NAALADL2: variants seen among roughly 807,000 people sequenced by gnomAD.
The protein encoded by NAALADL2 is N-acetylated alpha-linked acidic dipeptidase like 2, also known as inactive N-acetylated-alpha-linked acidic dipeptidase-like protein 2.
A neutral mutation model predicts 87.2 loss-of-function variants in NAALADL2; 76 were observed. That is an observed-to-expected ratio of 0.87 (90% CI 0.72 to 1.05). NAALADL2 has a LOEUF of 1.05. Ranked by LOEUF, NAALADL2 falls within the 50% of genes least tolerant of loss-of-function variation. The probability of loss-of-function intolerance (pLI) is 0.00; values close to 1 mark genes in which losing one functional copy is unlikely to be tolerated. For missense variants in NAALADL2, 1,089 were observed against 945.8 expected (o/e 1.15, Z -1.99); for synonymous variants, 354 against 331.0 (o/e 1.07, Z -0.75).
At chr3:174,753,454 A>G (rs1454669192) in intron 3 of NAALADL2, among the ~76,000 whole-genome samples, 4 of 152,016 alleles carry the variant, frequency 2.6e-5, no homozygotes, top group Non-Finnish European at 1.5e-5. Flanking sequence ...GAACGTCCTT[A>G]CTCTTTATAA....
chr3:174,915,061 A>G (rs1734195473), intron 1 of NAALADL2, among the ~76,000 whole-genome samples: 1 of 152,202 alleles, frequency 6.6e-6, no homozygotes. Context: ...AGTTCTAGAA[A>G]ATAATACAAT....
At chr3:175,628,130 T>G (rs1343624791) in intron 11 of NAALADL2, among the ~76,000 whole-genome samples, 1 of 151,716 alleles carries the variant, frequency 6.6e-6, no homozygotes, top group Non-Finnish European at 1.5e-5. Context: ...CACTACGCAT[T>G]TAGTAGAAAT....
intron 11 of NAALADL2, among the ~76,000 whole-genome samples, chr3:175,630,332 G>C (rs971840946): frequency 6.6e-6 from 1 of 151,660 alleles, no homozygotes; most frequent in Non-Finnish European, 1.5e-5. Flanking sequence ...CTCTTTAGTA[G>C]AACTTTGTTT....
intron 1 of NAALADL2, among the ~76,000 whole-genome samples, chr3:174,543,326 G>A (rs1367601404): frequency 1.3e-5 from 2 of 152,074 alleles, no homozygotes; most frequent in African/African-American, 4.8e-5. Context: ...AGTGGTAATG[G>A]GGGAGTGAAT....
chr3:175,269,947 G>A (rs1752555850), intron 4 of NAALADL2, among the ~76,000 whole-genome samples: 1 of 152,232 alleles, frequency 6.6e-6, no homozygotes, highest in South Asian at 2.1e-4. Flanking sequence ...TAAAGGAAAT[G>A]TAAGAAAATT....
rs1167120050 is a variant in NAALADL2, at chr3:175,806,536, T to C, written c.*3333T>C. 4 of 151,792 alleles carry C rather than the reference T, an allele frequency of 2.6e-5. No individual in the cohort carries two copies. The highest frequency in any genetic ancestry group is 2.0e-4 in the Admixed American group (3 of 15,186). 9.4% of individuals were successfully genotyped at this position (151,792 alleles called of 1,614,324 possible). A position where few individuals can be genotyped will look rare whatever the true frequency, so the allele number is the denominator to read the frequency against. On this transcript the variant is annotated 3_prime_UTR_variant, in exon 14 of 14. Coordinates refer to ENST00000454872, the MANE Select transcript of NAALADL2 (RefSeq NM_207015.3). ...TTCTAAATAAATTGAAGAGTCATAATAACAAGAAAGACGTAAAGATTTGTT... is the reference window on the plus strand; with the variant it reads ...TTCTAAATAAATTGAAGAGTCATAACAACAAGAAAGACGTAAAGATTTGTT...
intron 1 of NAALADL2, among the ~76,000 whole-genome samples, chr3:175,015,273 T>G (rs568522443): frequency 3.7e-4 from 56 of 152,260 alleles, no homozygotes; most frequent in African/African-American, 1.3e-3. Context: ...GAGGCATTTT[T>G]CCAGATTTTT....
At chr3:174,734,464 G>A (rs1276843850) in intron 2 of NAALADL2, among the ~76,000 whole-genome samples, 2 of 152,194 alleles carry the variant, frequency 1.3e-5, no homozygotes, top group Non-Finnish European at 2.9e-5. Flanking sequence ...GTTCCAACCA[G>A]TTTTCAAGGG....
intron 13 of NAALADL2, among the ~76,000 whole-genome samples, chr3:175,774,141 T>G (rs1749895427): frequency 6.6e-6 from 1 of 152,080 alleles, no homozygotes; most frequent in Non-Finnish European, 1.5e-5. Context: ...TTTTAGGGTT[T>G]GATAACATGA....
intron 2 of NAALADL2, among the ~76,000 whole-genome samples, chr3:175,104,891 A>G (rs1479314528): frequency 1.3e-5 from 2 of 152,096 alleles, no homozygotes; most frequent in African/African-American, 4.8e-5. Flanking sequence ...TCTGAACCTT[A>G]AGTAAGGCAA....
At chr3:175,057,715 A>T (rs1401647657) in intron 1 of NAALADL2, among the ~76,000 whole-genome samples, 2 of 152,198 alleles carry the variant, frequency 1.3e-5, no homozygotes, top group African/African-American at 4.8e-5. Flanking sequence ...GGTCACTAAG[A>T]TTCCTGCTTA....
chr3:175,090,054 A>G (rs1261585221), intron 1 of NAALADL2, among the ~76,000 whole-genome samples: 1 of 152,132 alleles, frequency 6.6e-6, no homozygotes, highest in East Asian at 1.9e-4. Flanking sequence ...GGTAGAAAGT[A>G]TGTAAATTTG....
chr3:174,745,281 A>AAT (rs1377047961), intron 3 of NAALADL2, among the ~76,000 whole-genome samples: 23 of 152,312 alleles, frequency 1.5e-4, no homozygotes, highest in Middle Eastern at 3.4e-3. Flanking sequence ...ACCCCACAGA[A>AAT]ATACAAACAA....
chr3:174,595,250 C>G (rs572248114), intron 2 of NAALADL2, among the ~76,000 whole-genome samples: 76 of 152,056 alleles, frequency 5.0e-4, no homozygotes, highest in Admixed American at 2.0e-3. Context: ...TCCCTCTGCC[C>G]GCTTCTTGTC....
In NAALADL2 at chr3:175,759,298, A is replaced by T. The variant is rs1444819513; in HGVS notation, c.2189+3880A>T. Among the ~76,000 whole-genome samples the T allele has an allele frequency of 1.3e-5, 2 of 152,020 alleles. 1 individual carries two copies. Among genetic ancestry groups the T allele is most frequent in the Non-Finnish European group, 2.9e-5 (2 of 68,006 alleles). ...ACAATGAATACTACAGCCAAAAAGT[A>T]CTTTTGTGATTCAGTGAAGAGAGAA... On this transcript the variant is annotated intron_variant, in intron 13 of 13. Coordinates refer to ENST00000454872, the MANE Select transcript of NAALADL2 (RefSeq NM_207015.3).
intron 1 of NAALADL2, among the ~76,000 whole-genome samples, chr3:175,072,628 A>G (rs6797728): frequency 0.11 from 15,967 of 139,736 alleles, 1,009 homozygotes; most frequent in East Asian, 0.21. Context: ...TCATTAGGAG[A>G]TGTCCAATTG....
intron 13 of NAALADL2, among the ~76,000 whole-genome samples, chr3:175,799,203 A>G (rs1410232579): frequency 4.6e-5 from 7 of 150,694 alleles, no homozygotes; most frequent in African/African-American, 1.7e-4. Flanking sequence ...ATAATTAAAC[A>G]TGAAACTCAT....
intron 2 of NAALADL2, among the ~76,000 whole-genome samples, chr3:174,712,577 G>A (rs986543238): frequency 9.9e-5 from 15 of 151,218 alleles, no homozygotes; most frequent in African/African-American, 2.9e-4. Flanking sequence ...TAGTAGAGAC[G>A]GGGTTTCACC....
intron 9 of NAALADL2, among the ~76,000 whole-genome samples, chr3:175,566,285 A>C (rs570362196): frequency 6.6e-6 from 1 of 152,220 alleles, no homozygotes; most frequent in African/African-American, 2.4e-5. Flanking sequence ...AAAAGTAATA[A>C]GCAAATTGAC....
Sources: allele counts gnomAD v4.1 joint callset (sites outside exome capture counted in the v4.1 genomes callset), GRCh38; gene constraint gnomAD v4.1.1; transcripts MANE v1.5; gene names NCBI Gene and HGNC (gene_info 2026-07-23, HGNC 2026-07-21).